WDR20: variants seen among roughly 807,000 people sequenced by gnomAD.
WDR20 encodes WD repeat domain 20, also known as WD repeat-containing protein 20.
In WDR20, 3 loss-of-function variants were observed where a neutral mutation model predicts 38.7. That is an observed-to-expected ratio of 0.08 (90% CI 0.04 to 0.20). WDR20 has a LOEUF of 0.20. Ranked by LOEUF, WDR20 falls within the 10% of genes least tolerant of loss-of-function variation. WDR20 has a pLI of 1.00. For synonymous variants in WDR20, 298 were observed against 285.6 expected (o/e 1.04, Z -0.44); for missense variants, 559 against 727.7 (o/e 0.77, Z 2.67).
intron 1 of WDR20, among the ~76,000 whole-genome samples, chr14:102,164,238 A>G (rs775637200): frequency 2.6e-5 from 4 of 152,026 alleles, no homozygotes; most frequent in Non-Finnish European, 5.9e-5. Flanking sequence ...TCATGGCCAT[A>G]TATTGACTTC....
chr14:102,219,406 G>A (rs545796394), downstream of WDR20, among the ~76,000 whole-genome samples: 6 of 152,320 alleles, frequency 3.9e-5, no homozygotes, highest in Admixed American at 6.5e-5. Context: ...GTGCTGTGTC[G>A]CACCCCCTGC....
upstream of WDR20, chr14:102,139,856 C>T (rs551423918): frequency 9.8e-5 from 154 of 1,579,094 alleles, 2 homozygotes; most frequent in South Asian, 1.7e-3. Flanking sequence ...AGAGGGAGCA[C>T]CAGGAACAGC....
At position 102,208,581 on chromosome 14, in the gene WDR20, T is replaced by C. The variant is rs202006582; in HGVS notation, c.433-22T>C. 1.6e-5 allele frequency: 25 copies of C among 1,577,770 alleles called. No homozygotes were observed. In the Admixed American group the frequency reaches 4.1e-4, roughly 26 times the overall value. ...TTTGAGACTTCTCCGTTGTGCTAAC[T>C]TGTTCTCCTTTGTCTTCACAGAGAC... On this transcript the variant is annotated intron_variant, in intron 2 of 2. Coordinates refer to ENST00000342702, the MANE Select transcript of WDR20 (RefSeq NM_144574.4). The surrounding 1 kb of genome is among the most constrained non-coding windows in gnomAD (Gnocchi z 5.6).
intron 2 of WDR20, among the ~76,000 whole-genome samples, chr14:102,195,353 C>T (rs956408910): frequency 6.6e-6 from 1 of 152,124 alleles, no homozygotes; most frequent in Non-Finnish European, 1.5e-5. Context: ...GTGTCTATAA[C>T]AGGTGTTTTA....
intron 1 of WDR20, among the ~76,000 whole-genome samples, chr14:102,183,037 C>G (rs1483560248): frequency 6.6e-6 from 1 of 151,816 alleles, no homozygotes; most frequent in Non-Finnish European, 1.5e-5. Context: ...GCACTCCAGC[C>G]TGGGCAACAG....
chr14:102,139,893 A>G, upstream of WDR20: 3 of 1,605,698 alleles, frequency 1.9e-6, 1 homozygote, highest in South Asian at 3.3e-5. Context: ...TGATCCGGGC[A>G]CTTAGGGCAG....
downstream of WDR20, among the ~76,000 whole-genome samples, chr14:102,219,468 A>C (rs2063631721): frequency 6.6e-6 from 1 of 152,246 alleles, no homozygotes. Flanking sequence ...CAGGCCCAGC[A>C]CACTCCAGGG....
intron 1 of WDR20, among the ~76,000 whole-genome samples, chr14:102,153,160 C>T (rs2056486414): frequency 6.6e-6 from 1 of 152,108 alleles, no homozygotes; most frequent in Non-Finnish European, 1.5e-5. Context: ...CTCCCTCTTG[C>T]ACCTTCTTTC....
At chr14:102,202,710 A>G (rs906759595) in intron 2 of WDR20, among the ~76,000 whole-genome samples, 3 of 149,294 alleles carry the variant, frequency 2.0e-5, no homozygotes, top group Admixed American at 6.7e-5. Context: ...AGTTTCACAC[A>G]CTCTTCCTCC....
chr14:102,140,574 G>A (rs1281743035), intron 1 of WDR20, among the ~76,000 whole-genome samples: 2 of 152,172 alleles, frequency 1.3e-5, no homozygotes. Context: ...CTCGCCCTGG[G>A]TTAGAGAACA....
At position 102,221,959 on chromosome 14, in the gene WDR20, GATGTA is replaced by G. The variant is rs1172454010; in HGVS notation, c.1693-863_1693-859del. On this transcript the variant is annotated intron_variant, in intron 3 of 3. Transcript: ENST00000335263. This position sits in a 1 kb window ranked among gnomAD's most constrained non-coding sequence, Gnocchi z 4.8. ...TCTTCATAAATGAACGCCACACTTTGATGTAATGTAATTGCTGCTCAATAGTAAAT... is the reference window on the plus strand; with the variant it reads ...TCTTCATAAATGAACGCCACACTTTGATGTAATTGCTGCTCAATAGTAAAT... Among the ~76,000 whole-genome samples the G allele has an allele frequency of 6.6e-6, 1 of 152,166 alleles. No homozygotes were observed. The highest frequency in any genetic ancestry group is 2.4e-5 in the African/African-American group (1 of 41,432).
At chr14:102,156,882 T>C (rs1007023316) in intron 1 of WDR20, among the ~76,000 whole-genome samples, 1 of 151,932 alleles carries the variant, frequency 6.6e-6, no homozygotes, top group South Asian at 2.1e-4. Context: ...TCACAGAAAC[T>C]TGGGAGGCTA....
intron 1 of WDR20, among the ~76,000 whole-genome samples, chr14:102,189,651 G>A (rs2065844095): frequency 6.6e-6 from 1 of 152,122 alleles, no homozygotes; most frequent in Non-Finnish European, 1.5e-5. Context: ...AACTTACGGT[G>A]AAGAACTTAG....
At position 102,210,515 on chromosome 14, in the gene WDR20, T is replaced by C. The variant is rs2062339900; in HGVS notation, c.*635T>C. The C allele has an allele frequency of 2.5e-5, 25 of 985,434 alleles. No homozygotes were observed. The highest frequency in any genetic ancestry group is 3.0e-5 in the Non-Finnish European group (25 of 829,916). The allele number at this position is 985,434 out of a possible 1,614,324, so 61.0% of individuals were successfully genotyped here. A position where few individuals can be genotyped will look rare whatever the true frequency, so the allele number is the denominator to read the frequency against. ...CAATTAAAGTTGTTTAATAAACATC[T>C]TTTTTCAAAGAAGCAGTTTGTAGCA... On this transcript the variant is annotated 3_prime_UTR_variant, in exon 3 of 3. Transcript: ENST00000342702.
At chr14:102,173,897 A>G (rs1200415423) in intron 1 of WDR20, among the ~76,000 whole-genome samples, 1 of 152,054 alleles carries the variant, frequency 6.6e-6, no homozygotes, top group African/African-American at 2.4e-5. Flanking sequence ...TCAAAAAATT[A>G]GCTGGGCGTG....
At chr14:102,152,950 G>A (rs2152730791) in intron 1 of WDR20, among the ~76,000 whole-genome samples, 1 of 152,256 alleles carries the variant, frequency 6.6e-6, no homozygotes, top group Admixed American at 6.5e-5. Context: ...AGTCTCATTG[G>A]GAGCTCTGGT....
At chr14:102,139,526 G>T, upstream of WDR20, 2 of 1,057,874 alleles carry the variant, frequency 1.9e-6, no homozygotes, top group Non-Finnish European at 2.7e-6. Context: ...CCGCTGAGGA[G>T]GCACCCTCAA....
At chr14:102,144,559 A>G (rs2052866830) in intron 1 of WDR20, among the ~76,000 whole-genome samples, 1 of 152,070 alleles carries the variant, frequency 6.6e-6, no homozygotes, top group African/African-American at 2.4e-5. Flanking sequence ...TATTGGACCA[A>G]TCCTCTCATT....
chr14:102,216,928 G>C (rs1270077697), downstream of WDR20, among the ~76,000 whole-genome samples: 5 of 152,130 alleles, frequency 3.3e-5, no homozygotes, highest in South Asian at 6.2e-4. Flanking sequence ...GCGAGACTCT[G>C]TCTTAAAGAA....
Sources: allele counts gnomAD v4.1 joint callset (sites outside exome capture counted in the v4.1 genomes callset), GRCh38; gene constraint gnomAD v4.1.1; non-coding constraint Gnocchi (gnomAD v3.1); transcripts MANE v1.5; gene names NCBI Gene and HGNC (gene_info 2026-07-23, HGNC 2026-07-21).